Variants in SYT17 observed in about 807,000 individuals in gnomAD.
The protein encoded by SYT17 is synaptotagmin-17.
Under a neutral mutation model 46.7 loss-of-function variants are expected in SYT17, and 22 were observed. The observed-to-expected ratio is 0.47, with a 90% confidence interval of 0.34 to 0.67. The LOEUF (loss-of-function observed/expected upper bound fraction) is 0.67. SYT17 is among the 30% of genes least tolerant of loss of function. SYT17 has a pLI of 0.01. For synonymous variants in SYT17, 251 were observed against 248.4 expected (o/e 1.01, Z -0.10); for missense variants, 519 against 612.8 (o/e 0.85, Z 1.62).
intron 3 of SYT17, among the ~76,000 whole-genome samples, chr16:19,176,801 G>A (rs1964331552): frequency 6.6e-6 from 1 of 152,184 alleles, no homozygotes; most frequent in South Asian, 2.1e-4. Flanking sequence ...ACAGGTGAGA[G>A]CCGCGGCAAC....
intron 1 of SYT17, chr16:19,172,485 C>A: frequency 6.8e-7 from 1 of 1,471,666 alleles, no homozygotes; most frequent in African/African-American, 1.4e-5. Flanking sequence ...TAACAGCATA[C>A]GGTGCAAATC....
At position 19,244,525 on chromosome 16, in the gene SYT17, G is replaced by C. The variant is rs527403635; in HGVS notation, c.1228+19687G>C. ...TTTAAAAAATTTTTTGTAGAGATGGGGGTCTCACTGTTTTGCCCAAGCTGG... is the reference window on the plus strand; with the variant it reads ...TTTAAAAAATTTTTTGTAGAGATGGCGGTCTCACTGTTTTGCCCAAGCTGG... On this transcript the variant is annotated intron_variant, in intron 7 of 7. Transcript: ENST00000355377. Among the ~76,000 whole-genome samples, 40 of 152,062 alleles carry C rather than the reference G, an allele frequency of 2.6e-4. No homozygotes were observed. In the East Asian group the frequency reaches 7.3e-3, roughly 28 times the overall value.
chr16:19,181,023 T>C (rs1469417586), intron 4 of SYT17, among the ~76,000 whole-genome samples: 1 of 152,126 alleles, frequency 6.6e-6, no homozygotes, highest in African/African-American at 2.4e-5. Context: ...CTTCGGTCAA[T>C]TGAAAAGCAA....
intron 5 of SYT17, chr16:19,211,504 A>T: frequency 1.4e-6 from 1 of 703,558 alleles, no homozygotes; most frequent in Admixed American, 2.0e-5. Flanking sequence ...ATGGGAAATG[A>T]TGGAGGCAGA....
chr16:19,241,069 TC>T (rs959311810), intron 7 of SYT17, among the ~76,000 whole-genome samples: 11 of 145,884 alleles, frequency 7.5e-5, no homozygotes, highest in African/African-American at 2.8e-4. Flanking sequence ...TGCCTCAGCC[TC>T]CCAAGTAGCT....
chr16:19,220,760 C>T (rs775572828), intron 5 of SYT17, among the ~76,000 whole-genome samples: 3 of 152,050 alleles, frequency 2.0e-5, no homozygotes, highest in East Asian at 1.9e-4. Flanking sequence ...GGAGCAAAGT[C>T]GGGGGTCAGG....
At chr16:19,227,344 T>G (rs1966534547) in intron 7 of SYT17, among the ~76,000 whole-genome samples, 1 of 134,714 alleles carries the variant, frequency 7.4e-6, no homozygotes, top group South Asian at 2.5e-4. Context: ...TTTGAGACAA[T>G]CTCATTCTGA....
chr16:19,234,131 G>C (rs970348674), intron 7 of SYT17, among the ~76,000 whole-genome samples: 1 of 152,090 alleles, frequency 6.6e-6, no homozygotes. Context: ...TTCAAGACCA[G>C]CTTGGGCAAC....
At chr16:19,230,734 T>TA (rs1296513455) in intron 7 of SYT17, among the ~76,000 whole-genome samples, 1 of 152,176 alleles carries the variant, frequency 6.6e-6, no homozygotes, top group Non-Finnish European at 1.5e-5. Context: ...ATTTGTGACT[T>TA]ACTTGCTGTG....
intron 5 of SYT17, among the ~76,000 whole-genome samples, chr16:19,188,544 A>T (rs1033350018): frequency 2.1e-4 from 32 of 151,588 alleles, no homozygotes; most frequent in Non-Finnish European, 4.0e-4. Context: ...AAAAAGAAAG[A>T]AAGAAACAAG....
chr16:19,232,605 C>T (rs747454978), intron 7 of SYT17, among the ~76,000 whole-genome samples: 7 of 152,002 alleles, frequency 4.6e-5, no homozygotes, highest in Non-Finnish European at 7.4e-5. Context: ...CTGAAGGGGG[C>T]GGATCGTTTG....
At chr16:19,255,576 C>A (rs1968502296) in intron 7 of SYT17, among the ~76,000 whole-genome samples, 1 of 151,956 alleles carries the variant, frequency 6.6e-6, no homozygotes, top group African/African-American at 2.4e-5. Context: ...TGCTTGAAGC[C>A]AGGAGTCCAA....
chr16:19,246,597 CAT>C (rs1375823828), intron 7 of SYT17, among the ~76,000 whole-genome samples: 4 of 152,134 alleles, frequency 2.6e-5, no homozygotes, highest in Admixed American at 6.5e-5. Flanking sequence ...TATACGTACA[CAT>C]ATGTGTGTGC....
At chr16:19,189,392 T>C (rs1340767295) in intron 5 of SYT17, among the ~76,000 whole-genome samples, 1 of 150,564 alleles carries the variant, frequency 6.6e-6, no homozygotes, top group Non-Finnish European at 1.5e-5. Context: ...CCAGGCTGGA[T>C]TGCAGTCGTG....
At chr16:19,258,134 C>G (rs1190749272) in intron 7 of SYT17, among the ~76,000 whole-genome samples, 2 of 152,010 alleles carry the variant, frequency 1.3e-5, no homozygotes, top group African/African-American at 4.8e-5. Flanking sequence ...TCAGTTTGTC[C>G]CTGACTCCTT....
At chr16:19,188,644 C>T (rs570610451) in intron 5 of SYT17, among the ~76,000 whole-genome samples, 8 of 151,512 alleles carry the variant, frequency 5.3e-5, no homozygotes, top group African/African-American at 1.9e-4. Context: ...TAACAGAGTA[C>T]TACAAATTGA....
intron 5 of SYT17, among the ~76,000 whole-genome samples, chr16:19,218,631 C>T (rs959833661): frequency 2.0e-5 from 3 of 152,178 alleles, no homozygotes; most frequent in Non-Finnish European, 2.9e-5. Context: ...CAATTCTATC[C>T]ACACTTGAAG....
At chr16:19,199,107 G>A (rs979776444) in intron 5 of SYT17, among the ~76,000 whole-genome samples, 2 of 152,204 alleles carry the variant, frequency 1.3e-5, no homozygotes, top group African/African-American at 4.8e-5. Context: ...ATGTATGGCA[G>A]GTTCTGGGCT....
chr16:19,251,497 G>A (rs982315590), intron 7 of SYT17, among the ~76,000 whole-genome samples: 2 of 152,206 alleles, frequency 1.3e-5, no homozygotes, highest in Non-Finnish European at 1.5e-5. Flanking sequence ...GGTCTGTGGT[G>A]TGTGTCTGAG....
Sources: gnomAD v4.1 joint callset for allele counts (sites outside exome capture counted in the v4.1 genomes callset) on GRCh38, gnomAD v4.1.1 for gene constraint, MANE v1.5 for transcripts, NCBI Gene and HGNC (gene_info 2026-07-23, HGNC 2026-07-21) for gene names.